The following ZFPM2 variants were observed in gnomAD, a reference collection of about 807,000 sequenced individuals.
ZFPM2 encodes zinc finger protein, FOG family member 2.
ZFPM2 carries 20 observed loss-of-function variants against 98.6 expected under a neutral mutation model. The observed-to-expected ratio is 0.20, with a 90% CI of 0.14 to 0.29. The LOEUF (loss-of-function observed/expected upper bound fraction) is 0.29. ZFPM2 is among the 10% of genes least tolerant of loss of function. The pLI is 1.00. For synonymous variants in ZFPM2, 518 were observed against 502.7 expected (o/e 1.03, Z -0.41); for missense variants, 1,310 against 1,388.6 (o/e 0.94, Z 0.90).
intron 5 of ZFPM2, among the ~76,000 whole-genome samples, chr8:105,720,326 CTT>C (rs1235026448): frequency 6.6e-6 from 1 of 151,844 alleles, no homozygotes; most frequent in African/African-American, 2.4e-5. Flanking sequence ...TTTCACAAAA[CTT>C]TGATTCAAGT....
intron 5 of ZFPM2, among the ~76,000 whole-genome samples, chr8:105,667,957 C>G (rs145253572): frequency 6.6e-6 from 1 of 152,280 alleles, no homozygotes; most frequent in East Asian, 1.9e-4. Context: ...CAAAGCTCTT[C>G]GGTAGACTTA....
intron 3 of ZFPM2, among the ~76,000 whole-genome samples, chr8:105,465,920 A>G (rs1477297547): frequency 6.6e-6 from 1 of 151,992 alleles, no homozygotes; most frequent in Non-Finnish European, 1.5e-5. Flanking sequence ...CAAAATTTGA[A>G]TTTTTGTATT....
chr8:105,417,145 T>G, intron 1 of ZFPM2, among the ~76,000 whole-genome samples: 1 of 151,992 alleles, frequency 6.6e-6, no homozygotes, highest in East Asian at 1.9e-4. Flanking sequence ...CCAGACCATT[T>G]CTCAAAAAAT....
chr8:105,356,587 G>A (rs937702097), intron 1 of ZFPM2, among the ~76,000 whole-genome samples: 4 of 152,038 alleles, frequency 2.6e-5, no homozygotes, highest in African/African-American at 9.7e-5. Flanking sequence ...TGTGAATATT[G>A]ACCCTTTTCA....
At chr8:105,393,344 T>G (rs112483277) in intron 1 of ZFPM2, among the ~76,000 whole-genome samples, 2,556 of 71,168 alleles carry the variant, frequency 0.036, 72 homozygotes, top group African/African-American at 0.06. Flanking sequence ...TTGCCTTTCT[T>G]TCTTTCTTTC....
chr8:105,407,426 C>A (rs1811484583), intron 1 of ZFPM2, among the ~76,000 whole-genome samples: 1 of 151,782 alleles, frequency 6.6e-6, no homozygotes, highest in Admixed American at 6.6e-5. Context: ...ATGTTTGAGG[C>A]AACTATTTGA....
At chr8:105,641,180 G>T (rs758498283) in intron 5 of ZFPM2, among the ~76,000 whole-genome samples, 1 of 151,862 alleles carries the variant, frequency 6.6e-6, no homozygotes, top group Non-Finnish European at 1.5e-5. Flanking sequence ...ACAAAATTGC[G>T]CCCTAAAGGA....
At chr8:105,425,869 C>T (rs1264510214) in intron 2 of ZFPM2, among the ~76,000 whole-genome samples, 4 of 152,118 alleles carry the variant, frequency 2.6e-5, no homozygotes, top group South Asian at 2.1e-4. Context: ...TATCTTTATG[C>T]AGTTTTGGCT....
At chr8:105,602,817 A>G (rs943506073) in intron 4 of ZFPM2, among the ~76,000 whole-genome samples, 9 of 152,098 alleles carry the variant, frequency 5.9e-5, no homozygotes, top group Admixed American at 1.3e-4. Context: ...TGACTGGTAG[A>G]GGCCACATTC....
intron 3 of ZFPM2, among the ~76,000 whole-genome samples, chr8:105,533,143 T>C (rs1814331438): frequency 6.6e-6 from 1 of 152,082 alleles, no homozygotes; most frequent in South Asian, 2.1e-4. Context: ...TACATGAAAA[T>C]ACAGGTAACC....
At chr8:105,322,119 T>C (rs1049004081) in intron 1 of ZFPM2, among the ~76,000 whole-genome samples, 3 of 152,086 alleles carry the variant, frequency 2.0e-5, no homozygotes, top group Non-Finnish European at 4.4e-5. Context: ...AGGTGTTTGG[T>C]GTGGGAGCCA....
At chr8:105,514,378 C>G (rs562498927) in intron 3 of ZFPM2, among the ~76,000 whole-genome samples, 1 of 143,132 alleles carries the variant, frequency 7.0e-6, no homozygotes, top group Admixed American at 7.3e-5. Flanking sequence ...ATCATTCACT[C>G]TCTGATGGAG....
chr8:105,487,853 CTTAT>C (rs1441717352), intron 3 of ZFPM2, among the ~76,000 whole-genome samples: 1 of 152,054 alleles, frequency 6.6e-6, no homozygotes, highest in Non-Finnish European at 1.5e-5. Flanking sequence ...TACACATTTT[CTTAT>C]TTAATTTGTT....
At chr8:105,614,925 AT>A (rs915378447) in intron 4 of ZFPM2, among the ~76,000 whole-genome samples, 5 of 152,112 alleles carry the variant, frequency 3.3e-5, no homozygotes, top group African/African-American at 9.7e-5. Context: ...CATGCTTGAG[AT>A]TTTACTATCA....
intron 5 of ZFPM2, among the ~76,000 whole-genome samples, chr8:105,659,794 T>G (rs1446310046): frequency 6.6e-6 from 1 of 152,202 alleles, no homozygotes; most frequent in Non-Finnish European, 1.5e-5. Context: ...TGTAATAGTT[T>G]TACATGAGTT....
At chr8:105,489,978 G>A (rs972810796) in intron 3 of ZFPM2, among the ~76,000 whole-genome samples, 10 of 152,034 alleles carry the variant, frequency 6.6e-5, no homozygotes, top group African/African-American at 2.4e-4. Flanking sequence ...GCCAGGTGCG[G>A]TGGCTCACAC....
chr8:105,686,132 A>G (rs1400895669), intron 5 of ZFPM2, among the ~76,000 whole-genome samples: 1 of 152,002 alleles, frequency 6.6e-6, no homozygotes, highest in Non-Finnish European at 1.5e-5. Context: ...CACTTCTCAT[A>G]TTTTATCTTA....
rs114096251 is a variant in ZFPM2, at chr8:105,611,876, T to G, written c.421-22370T>G. Among the ~76,000 whole-genome samples the G allele has an allele frequency of 5.9e-3, 902 of 151,970 alleles. 6 individuals are homozygous for G. Among genetic ancestry groups the G allele is most frequent in the African/African-American group, 0.018 (732 of 41,448 alleles). On this transcript the variant is annotated intron_variant, in intron 4 of 7. Coordinates refer to ENST00000407775, the MANE Select transcript of ZFPM2 (RefSeq NM_012082.4). Reference sequence around the variant, plus strand: ...ACCACGCCTAGCTAATTTTTTGTATTTTTTAGAGATGGGGTTTTACCATGT... The same window carrying G: ...ACCACGCCTAGCTAATTTTTTGTATGTTTTAGAGATGGGGTTTTACCATGT...
At position 105,791,075 on chromosome 8, in the gene ZFPM2, T is replaced by C. The variant is rs1447639452; in HGVS notation, c.739+2151T>C. Among the ~76,000 whole-genome samples, 377 of 152,202 alleles carry C rather than the reference T, an allele frequency of 2.5e-3. 2 individuals are homozygous for C. Among genetic ancestry groups the C allele is most frequent in the African/African-American group, 8.2e-3 (341 of 41,520 alleles). ...ACTTCCTCTTTTCCTAATTGAATAATCTTTATTTCCTTCTCCTGCCTAATT... is the reference window on the plus strand; with the variant it reads ...ACTTCCTCTTTTCCTAATTGAATAACCTTTATTTCCTTCTCCTGCCTAATT... On this transcript the variant is annotated intron_variant, in intron 6 of 7. Coordinates refer to ENST00000407775, the MANE Select transcript of ZFPM2 (RefSeq NM_012082.4).
Sources: allele counts gnomAD v4.1 joint callset (sites outside exome capture counted in the v4.1 genomes callset), GRCh38; gene constraint gnomAD v4.1.1; transcripts MANE v1.5; gene names NCBI Gene and HGNC (gene_info 2026-07-23, HGNC 2026-07-21).